The following KIRREL3 variants were observed in gnomAD, a reference collection of about 807,000 sequenced individuals.
KIRREL3 encodes the protein kin of IRRE-like protein 3.
KIRREL3 carries 36 observed loss-of-function variants against 89.7 expected under a neutral mutation model. The observed-to-expected ratio is 0.40, with a 90% CI of 0.31 to 0.53. The LOEUF (loss-of-function observed/expected upper bound fraction) is 0.53. Among genes scored for constraint, KIRREL3 ranks in the 20% least tolerant of loss-of-function variants. The probability of loss-of-function intolerance (pLI) is 0.49; values close to 1 mark genes in which losing one functional copy is unlikely to be tolerated. For missense variants in KIRREL3, 864 were observed against 1,056.6 expected (o/e 0.82, Z 2.53); for synonymous variants, 445 against 441.4 (o/e 1.01, Z -0.10).
chr11:126,632,710 T>A, intron 1 of KIRREL3, among the ~76,000 whole-genome samples: 1 of 374 alleles, frequency 2.7e-3, no homozygotes, highest in Non-Finnish European at 0.01. Flanking sequence ...CCACTGCATA[T>A]TAGCCACTGC....
intron 1 of KIRREL3, among the ~76,000 whole-genome samples, chr11:126,598,797 C>T (rs565243259): frequency 2.6e-5 from 4 of 152,180 alleles, no homozygotes; most frequent in African/African-American, 9.7e-5. Flanking sequence ...TTCTGGGCTT[C>T]GGTTTCCTTA....
chr11:126,706,974 T>C (rs1947553784), intron 1 of KIRREL3, among the ~76,000 whole-genome samples: 1 of 151,858 alleles, frequency 6.6e-6, no homozygotes, highest in Admixed American at 6.6e-5. Context: ...GGGGTCTCAC[T>C]GTACATACAT....
intron 1 of KIRREL3, among the ~76,000 whole-genome samples, chr11:126,629,099 C>A (rs1218769628): frequency 6.6e-6 from 1 of 152,232 alleles, no homozygotes; most frequent in Non-Finnish European, 1.5e-5. Context: ...CCAACCCCTG[C>A]CAATGATGCA....
At chr11:126,935,199 C>T (rs1320413765) in intron 1 of KIRREL3, 1 of 151,440 alleles carries the variant, frequency 6.6e-6, no homozygotes, top group Non-Finnish European at 1.5e-5. Context: ...GACCAAAATC[C>T]AGAACACAGG....
chr11:126,854,933 T>G (rs1227806331), intron 1 of KIRREL3, among the ~76,000 whole-genome samples: 1 of 152,204 alleles, frequency 6.6e-6, no homozygotes, highest in East Asian at 1.9e-4. Context: ...GTTATAGTCC[T>G]TCACAGATAT....
intron 1 of KIRREL3, among the ~76,000 whole-genome samples, chr11:126,726,222 T>C (rs769378856): frequency 6.6e-6 from 1 of 152,204 alleles, no homozygotes; most frequent in Non-Finnish European, 1.5e-5. Flanking sequence ...CATTCAGTGA[T>C]TCTAGGGGAA....
At chr11:126,505,676 C>T (rs1957996132) in intron 4 of KIRREL3, among the ~76,000 whole-genome samples, 1 of 151,720 alleles carries the variant, frequency 6.6e-6, no homozygotes. Flanking sequence ...ATGAACAATC[C>T]AAAAATGAAA....
chr11:126,497,932 G>T (rs1333459104), intron 4 of KIRREL3, among the ~76,000 whole-genome samples: 1 of 152,028 alleles, frequency 6.6e-6, no homozygotes, highest in East Asian at 1.9e-4. Flanking sequence ...TCCCCAGAGA[G>T]TTTGTGGGCC....
rs1947506878 is a variant in KIRREL3, at chr11:126,923,233, TCTTCTTCTTCTTC to T, written c.55+77209_55+77221del. Reference sequence around the variant, plus strand: ...TTCTTCTTCTTCTTCTTCTTCTTCTTCTTCTTCTTCTTCTTCTTCTTCTTCTTCTTCTTCTCCT... The same window carrying T: ...TTCTTCTTCTTCTTCTTCTTCTTCTTTTCTTCTTCTTCTTCTTCTTCTCCT... On this transcript the variant is annotated intron_variant, in intron 1 of 16. Coordinates refer to ENST00000525144, the MANE Select transcript of KIRREL3 (RefSeq NM_032531.4). 4.2e-5 allele frequency among the ~76,000 whole-genome samples: 2 copies of T among 47,316 alleles called. 1 individual carries two copies. The highest frequency in any genetic ancestry group is 1.7e-4 in the African/African-American group (2 of 12,000). The allele number at this position is 47,316 out of a possible 152,430, so 31.0% of individuals were successfully genotyped here.
chr11:126,873,901 T>G (rs567794359), intron 1 of KIRREL3, among the ~76,000 whole-genome samples: 1 of 152,228 alleles, frequency 6.6e-6, no homozygotes, highest in Non-Finnish European at 1.5e-5. Context: ...GGGCCACATA[T>G]TGGGGCACCC....
intron 1 of KIRREL3, among the ~76,000 whole-genome samples, chr11:126,895,987 A>G (rs1354884878): frequency 6.6e-6 from 1 of 152,260 alleles, no homozygotes; most frequent in African/African-American, 2.4e-5. Context: ...TAGATAATGC[A>G]GAAATAAAGT....
rs1951611597 is a variant in KIRREL3, at chr11:126,817,460, T to A, written c.55+182995A>T. Among the ~76,000 whole-genome samples the A allele has an allele frequency of 6.6e-6, 1 of 152,130 alleles. No homozygotes were observed. Among genetic ancestry groups the A allele is most frequent in the Admixed American group, 6.5e-5 (1 of 15,274 alleles). ...TTGTGGGGGACAGAAGGGGATGGTT[T>A]AGCAATATCCTCAGGCTTCTACCTT... On this transcript the variant is annotated intron_variant, in intron 1 of 16. Coordinates refer to ENST00000525144, the MANE Select transcript of KIRREL3 (RefSeq NM_032531.4). The surrounding 1 kb of genome is among the most constrained non-coding windows in gnomAD (Gnocchi z 5.7).
chr11:126,745,990 A>G (rs978680284), intron 1 of KIRREL3, among the ~76,000 whole-genome samples: 2 of 152,176 alleles, frequency 1.3e-5, no homozygotes, highest in African/African-American at 2.4e-5. Context: ...CCACCCTGCC[A>G]TTCCTGAAGG....
intron 1 of KIRREL3, among the ~76,000 whole-genome samples, chr11:126,859,756 C>A (rs1298380706): frequency 2.0e-5 from 3 of 152,210 alleles, no homozygotes; most frequent in East Asian, 1.9e-4. Flanking sequence ...GAGAAAGTGA[C>A]CTCCAAATGA....
chr11:126,739,656 G>A lies in KIRREL3; in HGVS notation c.56-176744C>T, dbSNP rs1948914735. On this transcript the variant is annotated intron_variant, in intron 1 of 16. Coordinates refer to ENST00000525144, the MANE Select transcript of KIRREL3 (RefSeq NM_032531.4). This position sits in a 1 kb window ranked among gnomAD's most constrained non-coding sequence, Gnocchi z 5.5. ...CAGGAGTGAGGAGAAGGAAACCACAGTTAAGGTATGTGTGGAGGTACTATG... is the reference window on the plus strand; with the variant it reads ...CAGGAGTGAGGAGAAGGAAACCACAATTAAGGTATGTGTGGAGGTACTATG... Among the ~76,000 whole-genome samples, 1 of 152,208 alleles carries A rather than the reference G, an allele frequency of 6.6e-6. No homozygotes were observed. Among genetic ancestry groups the A allele is most frequent in the African/African-American group, 2.4e-5 (1 of 41,452 alleles).
chr11:126,803,384 T>G (rs1445006809), intron 1 of KIRREL3, among the ~76,000 whole-genome samples: 1 of 152,102 alleles, frequency 6.6e-6, no homozygotes, highest in Non-Finnish European at 1.5e-5. Context: ...GAGAGGTGCA[T>G]TGGAGAGGTG....
rs1010343457 is a variant in KIRREL3, at chr11:126,471,145, G to A, written c.591+2164C>T. 6.6e-6 allele frequency among the ~76,000 whole-genome samples: 1 copy of A among 152,050 alleles called. No homozygotes were observed. Among genetic ancestry groups the A allele is most frequent in the South Asian group, 2.1e-4 (1 of 4,824 alleles). On this transcript the variant is annotated intron_variant, in intron 5 of 16. Coordinates refer to ENST00000525144, the MANE Select transcript of KIRREL3 (RefSeq NM_032531.4). The surrounding 1 kb of genome is among the most constrained non-coding windows in gnomAD (Gnocchi z 5.4). ...GGCTGAGGCAGGTGGATCACCTGAG[G>A]TCGGGAGTTTGAGACCAGCCTGACC...
upstream of KIRREL3, among the ~76,000 whole-genome samples, chr11:127,002,185 T>C (rs888539980): frequency 1.3e-4 from 20 of 152,374 alleles, no homozygotes; most frequent in African/African-American, 4.3e-4. Context: ...AGAAGTGTGC[T>C]AGTAGGAGCT....
At chr11:126,618,087 C>T (rs879816948) in intron 1 of KIRREL3, among the ~76,000 whole-genome samples, 10 of 152,200 alleles carry the variant, frequency 6.6e-5, no homozygotes, top group African/African-American at 9.6e-5. Context: ...TGAGATATCA[C>T]GAGATCTGGT....
Sources: gnomAD v4.1 joint callset for allele counts (sites outside exome capture counted in the v4.1 genomes callset) on GRCh38, gnomAD v4.1.1 for gene constraint, Gnocchi (gnomAD v3.1) non-coding constraint, MANE v1.5 for transcripts, NCBI Gene and HGNC (gene_info 2026-07-23, HGNC 2026-07-21) for gene names.